Variants in PITPNM3 observed in about 807,000 individuals in gnomAD.
PITPNM3 encodes the protein membrane-associated phosphatidylinositol transfer protein 3.
PITPNM3 carries 26 observed loss-of-function variants against 102.0 expected under a neutral mutation model. The observed-to-expected ratio is 0.25, with a 90% CI of 0.19 to 0.35. The LOEUF is 0.35. PITPNM3 is among the 10% of genes least tolerant of loss of function. PITPNM3 has a pLI of 1.00. For missense variants in PITPNM3, 1,083 were observed against 1,346.1 expected (o/e 0.80, Z 3.06); for synonymous variants, 578 against 558.6 (o/e 1.03, Z -0.49).
chr17:6,489,261 G>A (rs909588429), intron 4 of PITPNM3, among the ~76,000 whole-genome samples: 2 of 152,142 alleles, frequency 1.3e-5, no homozygotes, highest in African/African-American at 2.4e-5. Context: ...CCACAGGGGT[G>A]GATGCTGAGG....
rs1339225278 is a variant in PITPNM3, at chr17:6,471,209, C to T, written c.1576G>A (p.Glu526Lys). 1.4e-5 allele frequency: 23 copies of T among 1,613,318 alleles called. No homozygotes were observed. The highest frequency in any genetic ancestry group is 2.7e-5 in the African/African-American group (2 of 75,054). ...ATGCTGTCCGAGGACTCCGAGCTCT[C>T]GCTGTGGGAGCTCCCCTCGCTCATC... ...RRMSEGSSHSESSESSDSMAP... is the reference protein window; with the variant it reads ...RRMSEGSSHSKSSESSDSMAP... Residue 526 changes from glutamate to lysine, a missense_variant, in exon 12 of 20, where the codon GAG becomes AAG. Glu to Lys is a moderately conservative substitution (Grantham distance 56). Coordinates refer to ENST00000262483, the MANE Select transcript of PITPNM3 (RefSeq NM_031220.4).
chr17:6,497,272 C>A (rs1436162872), intron 4 of PITPNM3, among the ~76,000 whole-genome samples: 1 of 152,122 alleles, frequency 6.6e-6, no homozygotes, highest in Non-Finnish European at 1.5e-5. Context: ...GGAAGGGAAG[C>A]CCTTCGGTGG....
rs1038722909 is a variant in PITPNM3 at position 6,468,855 on chromosome 17, C to T, written c.1774-514G>A. ...ATGCCTCTCCAGTGACCGCCACATC[C>T]CTGCTGTCCCTCACAGCAGCACTGA... On this transcript the variant is annotated intron_variant, in intron 13 of 19. Coordinates refer to ENST00000262483, the MANE Select transcript of PITPNM3 (RefSeq NM_031220.4). This position sits in a 1 kb window ranked among gnomAD's most constrained non-coding sequence, Gnocchi z 5.2. Among the ~76,000 whole-genome samples, 1 of 152,160 alleles carries T rather than the reference C, an allele frequency of 6.6e-6. No homozygotes were observed. The highest frequency in any genetic ancestry group is 2.4e-5 in the African/African-American group (1 of 41,430).
Position 6,463,749 on chromosome 17 carries a change from A to G in PITPNM3, c.2289T>C (p.Gly763=). Reference sequence around the variant, plus strand: ...GCACTCACCGGACAACATCCACTGCACCCGGCCGGACCTTGGGGTCGCTTC... The same window carrying G: ...GCACTCACCGGACAACATCCACTGCGCCCGGCCGGACCTTGGGGTCGCTTC... ...IMGSDPKVRP[G]AVDVVRHWQD... is the part of the protein sequence containing the mutation. Residue 763 remains glycine (G), a synonymous_variant, in exon 17 of 20, where the codon GGT becomes GGC. Coordinates refer to ENST00000262483, the MANE Select transcript of PITPNM3 (RefSeq NM_031220.4). 1 of 1,611,584 alleles carries G rather than the reference A, an allele frequency of 6.2e-7. No individual in the cohort carries two copies. The highest frequency in any genetic ancestry group is 8.5e-7 in the Non-Finnish European group (1 of 1,179,724).
At chr17:6,491,920 A>AAT (rs34497661) in intron 4 of PITPNM3, among the ~76,000 whole-genome samples, 105 of 147,368 alleles carry the variant, frequency 7.1e-4, no homozygotes, top group Admixed American at 2.5e-3. Context: ...TCACAACTGT[A>AAT]ATATATATAT....
At chr17:6,509,006 C>T (rs1436950788) in intron 3 of PITPNM3, among the ~76,000 whole-genome samples, 1 of 152,168 alleles carries the variant, frequency 6.6e-6, no homozygotes, top group Non-Finnish European at 1.5e-5. Context: ...GCTCATGGGC[C>T]TGACAGCTTT....
intron 3 of PITPNM3, among the ~76,000 whole-genome samples, chr17:6,524,339 G>T (rs1327867007): frequency 6.6e-6 from 1 of 152,176 alleles, no homozygotes; most frequent in Non-Finnish European, 1.5e-5. Flanking sequence ...TGGTATGTGG[G>T]GTGGGGAAGG....
chr17:6,472,685 T>C lies in PITPNM3; in HGVS notation c.1401A>G (p.Pro467=). 6.2e-7 allele frequency: 1 copy of C among 1,613,430 alleles called. No homozygotes were observed. Among genetic ancestry groups the C allele is most frequent in the Non-Finnish European group, 8.5e-7 (1 of 1,179,866 alleles). The change falls in exon 11 of 20, where the codon CCA becomes CCG. Residue 467 remains proline, a synonymous_variant. Transcript: ENST00000262483. This position sits in a 1 kb window ranked among gnomAD's most constrained non-coding sequence, Gnocchi z 4.1. The part of the protein sequence containing the change: ...PVSVPRYQRF[P]LGDGQSLLLA... Reference sequence around the variant, plus strand: ...GGAGGAGGGACTGCCCATCGCCCAGTGGGAACCTCTGGTAGCGAGGCACGC... The same window carrying C: ...GGAGGAGGGACTGCCCATCGCCCAGCGGGAACCTCTGGTAGCGAGGCACGC...
intron 1 of PITPNM3, among the ~76,000 whole-genome samples, chr17:6,546,025 T>G (rs953391975): frequency 1.3e-5 from 2 of 152,204 alleles, no homozygotes; most frequent in African/African-American, 4.8e-5. Context: ...GCTTCCTCTC[T>G]GGATCAGGGT....
At chr17:6,503,964 G>T (rs1022704121) in intron 3 of PITPNM3, among the ~76,000 whole-genome samples, 1 of 151,972 alleles carries the variant, frequency 6.6e-6, no homozygotes, top group Non-Finnish European at 1.5e-5. Context: ...CCAGGGCTCT[G>T]CCTCTGGCCC....
intron 3 of PITPNM3, among the ~76,000 whole-genome samples, chr17:6,504,485 C>A (rs907216864): frequency 6.6e-6 from 1 of 152,218 alleles, no homozygotes; most frequent in African/African-American, 2.4e-5. Context: ...TGGCCCACGT[C>A]CCCTGAATCC....
At chr17:6,539,234 G>A (rs781537782) in intron 1 of PITPNM3, among the ~76,000 whole-genome samples, 6 of 152,126 alleles carry the variant, frequency 3.9e-5, no homozygotes, top group East Asian at 3.8e-4. Flanking sequence ...GTGAGCTGAC[G>A]TTCCACCCTC....
rs1907916279 is a variant in PITPNM3, at chr17:6,512,359, T to C, written c.227-8785A>G. 2.0e-5 allele frequency among the ~76,000 whole-genome samples: 3 copies of C among 152,074 alleles called. No individual in the cohort carries two copies. The South Asian group carries it at 6.2e-4, about 32-fold the overall frequency. The stretch of plus-strand genomic sequence containing the variant: ...TGGCATGTGCACAAATATTAGTAAA[T>C]ATTAGATAAAAGCCAACAATGTGGA... On this transcript the variant is annotated intron_variant, in intron 3 of 19. Coordinates refer to ENST00000262483, the MANE Select transcript of PITPNM3 (RefSeq NM_031220.4).
chr17:6,519,520 GA>G lies in PITPNM3; in HGVS notation c.226+5835del, dbSNP rs113109836. On this transcript the variant is annotated intron_variant, in intron 3 of 19. Transcript: ENST00000262483. ...GGCGACAGAGTGAGACTCCGTCTCA[GA>G]AAAAAAAAAAAAAGATTTGTAAACA... Among the ~76,000 whole-genome samples, 255 of 126,680 alleles carry G rather than the reference GA, an allele frequency of 2.0e-3. 1 individual carries two copies. The highest frequency in any genetic ancestry group is 3.1e-3 in the African/African-American group (106 of 34,290). 83.1% of individuals were successfully genotyped at this position (126,680 alleles called of 152,430 possible).
chr17:6,458,955 T>G lies in PITPNM3; in HGVS notation c.2491-1233A>C, dbSNP rs1296901998. On this transcript the variant is annotated intron_variant, in intron 18 of 19. Transcript: ENST00000262483. This position sits in a 1 kb window ranked among gnomAD's most constrained non-coding sequence, Gnocchi z 5.1. The stretch of plus-strand genomic sequence containing the variant: ...AGCCCTACCCCATCCTGCAGGTGAC[T>G]GCCTTCGATGCTGGACCAAGGAGAG... Among the ~76,000 whole-genome samples the G allele has an allele frequency of 6.6e-6, 1 of 152,082 alleles. No homozygotes were observed. Among genetic ancestry groups the G allele is most frequent in the African/African-American group, 2.4e-5 (1 of 41,396 alleles).
At chr17:6,541,932 T>A (rs1463276145) in intron 1 of PITPNM3, among the ~76,000 whole-genome samples, 2 of 152,188 alleles carry the variant, frequency 1.3e-5, no homozygotes, top group Non-Finnish European at 2.9e-5. Context: ...TTAGCTAAAG[T>A]CATCCTAACC....
intron 3 of PITPNM3, among the ~76,000 whole-genome samples, chr17:6,513,337 T>C (rs900235455): frequency 5.3e-5 from 8 of 152,050 alleles, no homozygotes; most frequent in Non-Finnish European, 8.8e-5. Flanking sequence ...ATAAAAGCTA[T>C]CCAGATTGGA....
At chr17:6,481,985 C>A (rs912284856) in intron 6 of PITPNM3, among the ~76,000 whole-genome samples, 2 of 56,096 alleles carry the variant, frequency 3.6e-5, no homozygotes, top group African/African-American at 1.3e-4. Context: ...GAAAACAGAA[C>A]CTCTCTCTCT....
intron 18 of PITPNM3, 106 bp downstream of exon 18, chr17:6,461,267 G>C: frequency 7.4e-7 from 1 of 1,347,532 alleles, no homozygotes; most frequent in Non-Finnish European, 1.0e-6. Flanking sequence ...GGGATTTACA[G>C]ACTGCACATC....
Sources: gnomAD v4.1 joint callset for allele counts (sites outside exome capture counted in the v4.1 genomes callset) on GRCh38, gnomAD v4.1.1 for gene constraint, Gnocchi (gnomAD v3.1) non-coding constraint, MANE v1.5 for transcripts, NCBI Gene and HGNC (gene_info 2026-07-23, HGNC 2026-07-21) for gene names.